The following ARAP2 variants were observed in gnomAD, a reference collection of about 807,000 sequenced individuals.
The protein encoded by ARAP2 is arf-GAP with Rho-GAP domain, ANK repeat and PH domain-containing protein 2.
In ARAP2, 148 loss-of-function variants were observed where a neutral mutation model predicts 194.5. The observed-to-expected ratio is 0.76, with a 90% CI of 0.67 to 0.87. The LOEUF (loss-of-function observed/expected upper bound fraction) is 0.87, where lower values mean the gene tolerates loss of function less well. Among genes scored for constraint, ARAP2 ranks in the 40% least tolerant of loss-of-function variants. The pLI, the probability that ARAP2 is intolerant of heterozygous loss-of-function variation, is 0.00. For missense variants in ARAP2, 2,128 were observed against 1,989.7 expected (o/e 1.07, Z -1.32); for synonymous variants, 695 against 683.5 (o/e 1.02, Z -0.26).
chr4:36,159,977 A>T (rs1243092994), intron 13 of ARAP2: 1 of 591,760 alleles, frequency 1.7e-6, no homozygotes. Context: ...CAAATTCAGG[A>T]TCTTCCCCTC....
At chr4:36,065,102 G>A, downstream of ARAP2, 1 of 237,610 alleles carries the variant, frequency 4.2e-6, no homozygotes, top group Admixed American at 4.2e-5. Flanking sequence ...CTTGGGCTAG[G>A]CCTAGCGAGA....
At chr4:36,095,867 T>C (rs1000509102) in intron 27 of ARAP2, among the ~76,000 whole-genome samples, 4 of 152,164 alleles carry the variant, frequency 2.6e-5, no homozygotes, top group African/African-American at 9.6e-5. Flanking sequence ...TGCTGTCAGC[T>C]TCTGCTTTTC....
At chr4:36,070,997 C>T (rs1726733062) in intron 32 of ARAP2, among the ~76,000 whole-genome samples, 1 of 152,114 alleles carries the variant, frequency 6.6e-6, no homozygotes, top group African/African-American at 2.4e-5. Context: ...AAACTGTGCT[C>T]AGGATACTAA....
chr4:36,224,319 T>C (rs1012681139), intron 2 of ARAP2, among the ~76,000 whole-genome samples: 66 of 146,810 alleles, frequency 4.5e-4, no homozygotes, highest in Middle Eastern at 3.6e-3. Flanking sequence ...AAAAACACAA[T>C]CATTAGGCAG....
rs996609560 is a variant in ARAP2, at chr4:36,158,793, C to T, written c.2689G>A (p.Asp897Asn). 1.2e-6 allele frequency: 2 copies of T among 1,612,434 alleles called. No homozygotes were observed. Among genetic ancestry groups the T allele is most frequent in the African/African-American group, 1.3e-5 (1 of 74,850 alleles). The change falls in exon 15 of 33, where the codon GAC becomes AAC. Residue 897 changes from aspartate to asparagine, a missense_variant. Coordinates refer to ENST00000303965, the MANE Select transcript of ARAP2 (RefSeq NM_015230.4). ...QESSQSTFLC[D>N]FLYQAPSAAS... ...GCAGAAGGAGCTTGATATAAAAAGTCACAGAGGAATGTGGACTGGGAAGAC... is the reference window on the plus strand; with the variant it reads ...GCAGAAGGAGCTTGATATAAAAAGTTACAGAGGAATGTGGACTGGGAAGAC...
chr4:36,210,846 C>G (rs536309386), intron 5 of ARAP2, 103 bp from the exon 6 acceptor site: 11 of 853,228 alleles, frequency 1.3e-5, no homozygotes, highest in Middle Eastern at 3.6e-4. Flanking sequence ...AAACATAAGG[C>G]CAGGAAAATC....
chr4:36,243,513 C>T (rs916717847), intron 1 of ARAP2: 1 of 151,726 alleles, frequency 6.6e-6, no homozygotes, highest in African/African-American at 2.4e-5. Flanking sequence ...GCTATATAAT[C>T]CACGAACCCT....
intron 28 of ARAP2, among the ~76,000 whole-genome samples, chr4:36,084,187 C>T (rs1362383112): frequency 6.6e-6 from 1 of 152,080 alleles, no homozygotes; most frequent in Non-Finnish European, 1.5e-5. Flanking sequence ...TGTGGGACCT[C>T]ACCTTGTGAC....
At chr4:36,072,653 T>C (rs1265608989) in intron 32 of ARAP2, among the ~76,000 whole-genome samples, 1 of 131,598 alleles carries the variant, frequency 7.6e-6, no homozygotes, top group Non-Finnish European at 1.6e-5. Flanking sequence ...AGCGGTTTAT[T>C]ACCTAAAAAA....
chr4:36,126,827 A>G (rs1004130970), intron 21 of ARAP2, among the ~76,000 whole-genome samples: 5 of 151,942 alleles, frequency 3.3e-5, no homozygotes, highest in Non-Finnish European at 5.9e-5. Context: ...GCAAATATAT[A>G]TTTGTCGCTG....
At chr4:36,238,917 TGAA>T (rs1203585891) in intron 1 of ARAP2, among the ~76,000 whole-genome samples, 1 of 149,020 alleles carries the variant, frequency 6.7e-6, no homozygotes, top group Non-Finnish European at 1.5e-5. Context: ...ACTGCCCACA[TGAA>T]GTCAATGGTT....
chr4:36,031,359 G>A (rs1357808009), intron 5 of ARAP2, among the ~76,000 whole-genome samples: 1 of 152,054 alleles, frequency 6.6e-6, no homozygotes, highest in African/African-American at 2.4e-5. Flanking sequence ...GTACTCCATT[G>A]TAGCAATCGA....
intron 3 of ARAP2, among the ~76,000 whole-genome samples, chr4:36,049,106 T>C (rs986774242): frequency 1.3e-5 from 2 of 152,066 alleles, no homozygotes; most frequent in African/African-American, 4.8e-5. Flanking sequence ...GCCTTTGTAG[T>C]TCCACATGAA....
chr4:36,133,109 C>T, intron 20 of ARAP2, 117 bp downstream of exon 20: 1 of 971,258 alleles, frequency 1.0e-6, no homozygotes, highest in Non-Finnish European at 1.5e-6. Flanking sequence ...TTATTTTTCA[C>T]TAGGATACTT....
At chr4:36,052,896 A>C (rs1200532789) in intron 2 of ARAP2, among the ~76,000 whole-genome samples, 2 of 152,158 alleles carry the variant, frequency 1.3e-5, no homozygotes, top group African/African-American at 4.8e-5. Context: ...AGAACCAGGG[A>C]GGTGGAGCTT....
At chr4:36,128,835 G>T in intron 20 of ARAP2, 90 bp from the exon 21 acceptor site, 1 of 1,036,984 alleles carries the variant, frequency 9.6e-7, no homozygotes, top group Non-Finnish European at 1.4e-6. Context: ...TTTGTGTTGA[G>T]ACGAGAAGAT....
chr4:36,233,571 A>T (rs1751914467), intron 1 of ARAP2, among the ~76,000 whole-genome samples: 1 of 152,238 alleles, frequency 6.6e-6, no homozygotes, highest in South Asian at 2.1e-4. Context: ...ACAAGTTTGC[A>T]GTAAGACTAA....
chr4:36,031,719 A>T (rs974310593), intron 5 of ARAP2, among the ~76,000 whole-genome samples: 4 of 149,408 alleles, frequency 2.7e-5, no homozygotes, highest in Admixed American at 1.3e-4. Context: ...CCCAGGCTGG[A>T]GTGCAATGGC....
chr4:36,141,602 G>A (rs575893213), intron 19 of ARAP2, among the ~76,000 whole-genome samples: 1 of 151,748 alleles, frequency 6.6e-6, no homozygotes, highest in East Asian at 1.9e-4. Context: ...AGTTTAGGGG[G>A]TTCTTTCTCC....
Sources: gnomAD v4.1 joint callset for allele counts (sites outside exome capture counted in the v4.1 genomes callset) on GRCh38, gnomAD v4.1.1 for gene constraint, MANE v1.5 for transcripts, NCBI Gene and HGNC (gene_info 2026-07-23, HGNC 2026-07-21) for gene names.